KIF26B: variants seen among roughly 807,000 people sequenced by gnomAD.
The protein encoded by KIF26B is kinesin family member 26B, also known as kinesin-like protein KIF26B.
KIF26B carries 63 observed loss-of-function variants against 151.2 expected under a neutral mutation model. That is an observed-to-expected ratio of 0.42 (90% CI 0.34 to 0.51). The LOEUF (loss-of-function observed/expected upper bound fraction) is 0.51. Among genes scored for constraint, KIF26B ranks in the 20% least tolerant of loss-of-function variants. The pLI is 0.07. For missense variants in KIF26B, 2,813 were observed against 2,913.6 expected (o/e 0.97, Z 0.79); for synonymous variants, 1,357 against 1,262.1 (o/e 1.08, Z -1.59).
rs373161762 is a variant in KIF26B, at chr1:245,686,901, C to T, written c.3918C>T (p.His1306=). 13 of 1,613,194 alleles carry T rather than the reference C, an allele frequency of 8.1e-6. No individual in the cohort carries two copies. Among genetic ancestry groups the T allele is most frequent in the African/African-American group, 2.7e-5 (2 of 74,902 alleles). Residue 1306 remains histidine (H), a synonymous_variant, in exon 12 of 15, where the codon CAC becomes CAT. Coordinates refer to ENST00000407071, the MANE Select transcript of KIF26B (RefSeq NM_018012.4). This position sits in a 1 kb window ranked among gnomAD's most constrained non-coding sequence, Gnocchi z 5.6. ...TCATAGCCCAGACGTGTTTTGGGCA[C>T]GGGGAGGCAATGGCAGAACCTGTGG... The part of the protein sequence containing the change: ...HSFIAQTCFG[H]GEAMAEPVAS...
intron 4 of KIF26B, among the ~76,000 whole-genome samples, chr1:245,508,916 A>T (rs1291449534): frequency 6.6e-6 from 1 of 152,094 alleles, no homozygotes; most frequent in Non-Finnish European, 1.5e-5. Context: ...TTCATTTTCC[A>T]CTAAGTCATA....
At chr1:245,271,385 T>G (rs886167872) in intron 2 of KIF26B, among the ~76,000 whole-genome samples, 2 of 152,210 alleles carry the variant, frequency 1.3e-5, no homozygotes, top group African/African-American at 4.8e-5. Context: ...TTGTAATCCA[T>G]GTACATAGGA....
intron 4 of KIF26B, among the ~76,000 whole-genome samples, chr1:245,493,766 A>C (rs896083813): frequency 6.6e-6 from 1 of 152,190 alleles, no homozygotes; most frequent in Non-Finnish European, 1.5e-5. Flanking sequence ...TCTGCTGAGA[A>C]GGCAGCAGAA....
chr1:245,608,934 C>A (rs999856584), intron 7 of KIF26B, among the ~76,000 whole-genome samples: 14 of 151,916 alleles, frequency 9.2e-5, no homozygotes, highest in African/African-American at 2.4e-4. Flanking sequence ...AAAAATTTTT[C>A]ATAGAGGCAG....
In KIF26B at chr1:245,495,909, G is replaced by A. The variant is rs1239061097; in HGVS notation, c.1167-44858G>A. Among the ~76,000 whole-genome samples, 3 of 152,182 alleles carry A rather than the reference G, an allele frequency of 2.0e-5. No homozygotes were observed. The East Asian group carries it at 5.8e-4, about 29-fold the overall frequency. Reference sequence around the variant, plus strand: ...AAACAATGGATGCCAAGAGACAATGGAACGTCATATTCATGGGTTGAAAGA... The same window carrying A: ...AAACAATGGATGCCAAGAGACAATGAAACGTCATATTCATGGGTTGAAAGA... On this transcript the variant is annotated intron_variant, in intron 4 of 14. Coordinates refer to ENST00000407071, the MANE Select transcript of KIF26B (RefSeq NM_018012.4). The surrounding 1 kb of genome is among the most constrained non-coding windows in gnomAD (Gnocchi z 4.2).
In KIF26B at chr1:245,162,306, G is replaced by A. The variant is rs148554979; in HGVS notation, c.465+5623G>A. Among the ~76,000 whole-genome samples, 437 of 151,538 alleles carry A rather than the reference G, an allele frequency of 2.9e-3. 3 individuals are homozygous for A. The highest frequency in any genetic ancestry group is 0.01 in the African/African-American group (419 of 41,250). On this transcript the variant is annotated intron_variant, in intron 2 of 14. Transcript: ENST00000407071. ...TTCTCGTCTATGGTGTTATTGTGGCGAAGGAGCACTGTTGAGAATGTGCTC... is the reference window on the plus strand; with the variant it reads ...TTCTCGTCTATGGTGTTATTGTGGCAAAGGAGCACTGTTGAGAATGTGCTC...
intron 4 of KIF26B, among the ~76,000 whole-genome samples, chr1:245,465,678 G>A (rs1093930): frequency 0.78 from 119,085 of 152,090 alleles, 46,769 homozygotes; most frequent in African/African-American, 0.82. Context: ...GCGTCTAACG[G>A]AGAGTTTTTG....
Position 245,611,818 on chromosome 1 carries a change from C to T in KIF26B, c.1940C>T (p.Ala647Val). 1.2e-6 allele frequency: 2 copies of T among 1,613,722 alleles called. No homozygotes were observed. Among genetic ancestry groups the T allele is most frequent in the Non-Finnish European group, 1.7e-6 (2 of 1,179,862 alleles). ...TQLQNQSELR[A>V]PTAEKAAFFL... ...CTGCAGAACCAGAGCGAGCTGCGGGCCCCCACCGCAGAGAAGGCTGCCTTT... is the reference window on the plus strand; with the variant it reads ...CTGCAGAACCAGAGCGAGCTGCGGGTCCCCACCGCAGAGAAGGCTGCCTTT... Residue 647 changes from alanine to valine, a missense_variant, in exon 9 of 15, where the codon GCC becomes GTC. Around this residue, in one of 3 missense-constraint regions of KIF26B, gnomAD observed 2,060 missense variants for 2,088.6 expected, o/e 0.99. Coordinates refer to ENST00000407071, the MANE Select transcript of KIF26B (RefSeq NM_018012.4).
At chr1:245,374,499 G>T (rs566109018) in intron 3 of KIF26B, among the ~76,000 whole-genome samples, 1 of 152,054 alleles carries the variant, frequency 6.6e-6, no homozygotes, top group Non-Finnish European at 1.5e-5. Flanking sequence ...TTTCATCCAC[G>T]TTCTTCGCAG....
At chr1:245,468,652 T>G (rs1429050190) in intron 4 of KIF26B, among the ~76,000 whole-genome samples, 1 of 151,820 alleles carries the variant, frequency 6.6e-6, no homozygotes, top group Non-Finnish European at 1.5e-5. Flanking sequence ...GCTGAGAAAT[T>G]ATTGTCTGAA....
chr1:245,233,999 C>T (rs190475407), intron 2 of KIF26B, among the ~76,000 whole-genome samples: 28 of 152,022 alleles, frequency 1.8e-4, no homozygotes, highest in Admixed American at 7.9e-4. Context: ...GCCTGGCCAA[C>T]GTGGTAAAAC....
intron 10 of KIF26B, among the ~76,000 whole-genome samples, chr1:245,653,437 G>A (rs79341063): frequency 5.3e-5 from 8 of 152,086 alleles, no homozygotes; most frequent in Non-Finnish European, 7.4e-5. Flanking sequence ...ATTTCCCATC[G>A]TGAGCACCAC....
intron 2 of KIF26B, among the ~76,000 whole-genome samples, chr1:245,347,527 T>C (rs746815997): frequency 2.6e-5 from 4 of 152,112 alleles, no homozygotes; most frequent in Non-Finnish European, 4.4e-5. Flanking sequence ...TTGCTACATT[T>C]TCCAGGCTGG....
intron 8 of KIF26B, among the ~76,000 whole-genome samples, chr1:245,609,980 ACCG>A (rs2043501394): frequency 6.6e-6 from 1 of 152,172 alleles, no homozygotes; most frequent in Non-Finnish European, 1.5e-5. Context: ...TCTAATTAGA[ACCG>A]TGATATAATT....
intron 2 of KIF26B, among the ~76,000 whole-genome samples, chr1:245,275,047 G>C (rs1670915454): frequency 1.3e-5 from 2 of 152,176 alleles, no homozygotes. Flanking sequence ...TCTCATTGTA[G>C]TTTTGGTTTG....
intron 10 of KIF26B, among the ~76,000 whole-genome samples, chr1:245,676,993 C>A (rs2044364897): frequency 6.6e-6 from 1 of 152,200 alleles, no homozygotes; most frequent in Non-Finnish European, 1.5e-5. Context: ...CACGCATTAT[C>A]CTGCCTCAGA....
At chr1:245,385,620 T>C (rs1188339563) in intron 3 of KIF26B, among the ~76,000 whole-genome samples, 1 of 152,156 alleles carries the variant, frequency 6.6e-6, no homozygotes, top group Non-Finnish European at 1.5e-5. Flanking sequence ...ATGAGAATGG[T>C]ATTTTCGGGA....
chr1:245,311,608 A>G (rs1002258398), intron 2 of KIF26B, among the ~76,000 whole-genome samples: 6 of 152,036 alleles, frequency 3.9e-5, no homozygotes, highest in African/African-American at 1.4e-4. Context: ...TCTCTAAAAT[A>G]AAATAAAATA....
intron 9 of KIF26B, among the ~76,000 whole-genome samples, chr1:245,640,831 A>G (rs2043884399): frequency 6.6e-6 from 1 of 152,200 alleles, no homozygotes; most frequent in South Asian, 2.1e-4. Context: ...CTGTTCCTAC[A>G]TTTTAAATTT....
Sources: gnomAD v4.1 joint callset for allele counts (sites outside exome capture counted in the v4.1 genomes callset) on GRCh38, gnomAD v4.1.1 for gene constraint, gnomAD v4.1.1 regional missense constraint, Gnocchi (gnomAD v3.1) non-coding constraint, MANE v1.5 for transcripts, NCBI Gene and HGNC (gene_info 2026-07-23, HGNC 2026-07-21) for gene names.